Variants in MLLT11 observed in about 807,000 individuals in gnomAD.
MLLT11 encodes the protein protein AF1q.
Under a neutral mutation model 5.3 loss-of-function variants are expected in MLLT11, and 1 was observed. The ratio of observed to expected loss-of-function variants is 0.19; its 90% CI spans 0.07 to 0.89. MLLT11 has a LOEUF of 0.89. Ranked by LOEUF, MLLT11 falls within the 40% of genes least tolerant of loss-of-function variation. MLLT11 has a pLI of 0.67. For synonymous variants in MLLT11, 38 were observed against 41.7 expected (o/e 0.91, Z 0.34); for missense variants, 87 against 107.3 (o/e 0.81, Z 0.83).
At chr1:151,063,647 G>A (rs1001036557) in intron 1 of MLLT11, among the ~76,000 whole-genome samples, 1 of 152,104 alleles carries the variant, frequency 6.6e-6, no homozygotes, top group Non-Finnish European at 1.5e-5. Context: ...GGATGGTCTC[G>A]ATCTCCTGAC....
At chr1:151,066,413 C>G (rs890154825) in intron 1 of MLLT11, among the ~76,000 whole-genome samples, 1 of 152,170 alleles carries the variant, frequency 6.6e-6, no homozygotes, top group African/African-American at 2.4e-5. Context: ...TCTGAGATCA[C>G]AGGCATGAGC....
chr1:151,065,577 G>T (rs587737142), intron 1 of MLLT11, among the ~76,000 whole-genome samples: 4 of 152,026 alleles, frequency 2.6e-5, no homozygotes, highest in Non-Finnish European at 5.9e-5. Context: ...ACTCTACAGG[G>T]TGTTGGGGGA....
In MLLT11 at chr1:151,067,816, G is replaced by C. The variant is rs1412969610; in HGVS notation, c.*319G>C. On this transcript the variant is annotated 3_prime_UTR_variant, in exon 2 of 2. Transcript: ENST00000368921. Reference sequence around the variant, plus strand: ...GAGAGTAGTATAGTAGTGCAAAATGGAAGACTGATTTTTGACTCTATTATA... The same window carrying C: ...GAGAGTAGTATAGTAGTGCAAAATGCAAGACTGATTTTTGACTCTATTATA... The C allele has an allele frequency of 6.0e-6, 2 of 334,662 alleles. No individual in the cohort carries two copies. The highest frequency in any genetic ancestry group is 1.2e-5 in the Non-Finnish European group (2 of 172,776). The allele number at this position is 334,662 out of a possible 1,614,324, so 20.7% of individuals were successfully genotyped here. A position where few individuals can be genotyped will look rare whatever the true frequency, so the allele number is the denominator to read the frequency against.
rs903979372 is a variant in MLLT11 at position 151,069,328 on chromosome 1, G to T, written c.*1831G>T. On this transcript the variant is annotated 3_prime_UTR_variant, in exon 2 of 2. Transcript: ENST00000368921. ...TAAGGATGATCTAGAGAAGTCCCCAGGTGGGAGAAAAAAAGACAAATCCTC... is the reference window on the plus strand; with the variant it reads ...TAAGGATGATCTAGAGAAGTCCCCATGTGGGAGAAAAAAAGACAAATCCTC... 6.6e-6 allele frequency among the ~76,000 whole-genome samples: 1 copy of T among 152,126 alleles called. No homozygotes were observed. The highest frequency in any genetic ancestry group is 1.9e-4 in the East Asian group (1 of 5,194).
In MLLT11 at chr1:151,068,909, T is replaced by A. The variant is rs1676516114; in HGVS notation, c.*1412T>A. Among the ~76,000 whole-genome samples the A allele has an allele frequency of 6.6e-6, 1 of 152,184 alleles. No homozygotes were observed. The highest frequency in any genetic ancestry group is 1.9e-4 in the East Asian group (1 of 5,196). ...CTCATTTTATCTTTCTATAATAATA[T>A]TCAACTTAGAGGAAGAATGATTTGA... On this transcript the variant is annotated 3_prime_UTR_variant, in exon 2 of 2. Transcript: ENST00000368921.
intron 1 of MLLT11, among the ~76,000 whole-genome samples, chr1:151,064,423 G>T (rs1467774643): frequency 6.6e-6 from 1 of 152,176 alleles, no homozygotes; most frequent in Non-Finnish European, 1.5e-5. Context: ...GAATGGCAAG[G>T]TATTAATTAA....
Position 151,068,217 on chromosome 1 carries a change from T to TA in MLLT11, c.*723dup. The TA allele has an allele frequency of 4.2e-6, 1 of 237,982 alleles. No individual in the cohort carries two copies. Among genetic ancestry groups the TA allele is most frequent in the Non-Finnish European group, 8.9e-6 (1 of 111,808 alleles). 14.7% of individuals were successfully genotyped at this position (237,982 alleles called of 1,614,324 possible). On this transcript the variant is annotated 3_prime_UTR_variant, in exon 2 of 2. Transcript: ENST00000368921. ...CTAACTGTGGGTTGAAAACTCTAGC[T>TA]AAAGAAAGTTATCAAATCTTAACAT...
At chr1:151,063,408 TTTTTTAA>T (rs1308586679) in intron 1 of MLLT11, among the ~76,000 whole-genome samples, 1 of 152,022 alleles carries the variant, frequency 6.6e-6, no homozygotes, top group African/African-American at 2.4e-5. Context: ...TAATGCTTCT[TTTTTTAA>T]TTTTTATTTA....
rs1283515501 is a variant in MLLT11 at position 151,069,296 on chromosome 1, C to T, written c.*1799C>T. ...TACTATAAATAAGGATGACACTATA[C>T]CCTAAATAAGGATGATCTAGAGAAG... On this transcript the variant is annotated 3_prime_UTR_variant, in exon 2 of 2. Transcript: ENST00000368921. 2.0e-5 allele frequency among the ~76,000 whole-genome samples: 3 copies of T among 151,936 alleles called. No individual in the cohort carries two copies. The highest frequency in any genetic ancestry group is 4.4e-5 in the Non-Finnish European group (3 of 67,986).
chr1:151,067,394 A>G lies in MLLT11; in HGVS notation c.170A>G (p.Gln57Arg), dbSNP rs773661431. 1.2e-6 allele frequency: 2 copies of G among 1,614,194 alleles called. No individual in the cohort carries two copies. The highest frequency in any genetic ancestry group is 8.5e-7 in the Non-Finnish European group (1 of 1,180,040). The change falls in exon 2 of 2, where the codon CAG (glutamine) becomes CGG (arginine). Residue 57 changes from glutamine (Q) to arginine (R), a missense_variant. Gln to Arg is a conservative substitution (Grantham distance 43). Coordinates refer to ENST00000368921, the MANE Select transcript of MLLT11 (RefSeq NM_006818.4). ...ATCGGGCAAGCAACTGCAGCAGACC[A>G]GGAGAAAAACCCTGAAGGTGATGGC... ...KMIGQATAAD[Q>R]EKNPEGDGLL...
rs1022384544 is a variant in MLLT11, at chr1:151,068,580, C to A, written c.*1083C>A. ...TTGCTTTCACACTTAGCTTATACAT[C>A]TTTTTTTTCTTTTTTATTTTTGAGA... is the stretch of plus-strand genomic sequence containing the variant. On this transcript the variant is annotated 3_prime_UTR_variant, in exon 2 of 2. Transcript: ENST00000368921. The A allele has an allele frequency of 1.6e-4, 29 of 179,236 alleles. No individual in the cohort carries two copies. The highest frequency in any genetic ancestry group is 6.6e-4 in the African/African-American group (28 of 42,268). 11.1% of individuals were successfully genotyped at this position (179,236 alleles called of 1,614,324 possible). A position where few individuals can be genotyped will look rare whatever the true frequency, so the allele number is the denominator to read the frequency against.
rs587615003 is a variant in MLLT11 at position 151,063,669 on chromosome 1, C to T, written c.-7+3116C>T. 3.3e-5 allele frequency among the ~76,000 whole-genome samples: 5 copies of T among 152,330 alleles called. No individual in the cohort carries two copies. The East Asian group carries it at 7.7e-4, about 24-fold the overall frequency. ...CTCGATCTCCTGACCTCGTGATCCA[C>T]CCGCCTCGGCCTCCCAAAGTGCTGG... On this transcript the variant is annotated intron_variant, in intron 1 of 1. Transcript: ENST00000368921.
At chr1:151,065,817 ACTT>A (rs937364252) in intron 1 of MLLT11, among the ~76,000 whole-genome samples, 2 of 152,020 alleles carry the variant, frequency 1.3e-5, no homozygotes, top group African/African-American at 4.8e-5. Context: ...TCCTCTATAG[ACTT>A]GGAGTTTTTT....
chr1:151,064,424 TATTA>T (rs1676448548), intron 1 of MLLT11, among the ~76,000 whole-genome samples: 1 of 152,190 alleles, frequency 6.6e-6, no homozygotes, highest in Non-Finnish European at 1.5e-5. Flanking sequence ...AATGGCAAGG[TATTA>T]ATTAAATAGT....
chr1:151,067,750 C>G lies in MLLT11; in HGVS notation c.*253C>G, dbSNP rs1676495256. On this transcript the variant is annotated 3_prime_UTR_variant, in exon 2 of 2. Transcript: ENST00000368921. ...TCACAGGGATTCCTCCTTTCCCCCCCAAATATTAACTCCAGAAACTAGGCC... is the reference window on the plus strand; with the variant it reads ...TCACAGGGATTCCTCCTTTCCCCCCGAAATATTAACTCCAGAAACTAGGCC... The G allele has an allele frequency of 7.5e-6, 4 of 534,254 alleles. No individual in the cohort carries two copies. The highest frequency in any genetic ancestry group is 1.4e-5 in the Non-Finnish European group (4 of 291,468). 33.1% of individuals were successfully genotyped at this position (534,254 alleles called of 1,614,324 possible).
At position 151,067,532 on chromosome 1, in the gene MLLT11, AT is replaced by A; in HGVS notation, c.*37del. 6.3e-7 allele frequency: 1 copy of A among 1,594,560 alleles called. No homozygotes were observed. On this transcript the variant is annotated 3_prime_UTR_variant, in exon 2 of 2. Transcript: ENST00000368921. ...TTCTCTCTCCCATCACCTTGCCCTC[AT>A]TGTCTTCCCTCTCAAGCCCCTTCCT... is the stretch of plus-strand genomic sequence containing the variant.
chr1:151,063,652 C>T (rs1301479680), intron 1 of MLLT11, among the ~76,000 whole-genome samples: 1 of 152,196 alleles, frequency 6.6e-6, no homozygotes, highest in Non-Finnish European at 1.5e-5. Context: ...GTCTCGATCT[C>T]CTGACCTCGT....
At chr1:151,064,026 TA>T (rs1381877885) in intron 1 of MLLT11, among the ~76,000 whole-genome samples, 1 of 72,374 alleles carries the variant, frequency 1.4e-5, no homozygotes, top group Non-Finnish European at 3.8e-5. Flanking sequence ...ATTTATTTAT[TA>T]TTACTTTTTT....
intron 1 of MLLT11, 88 bp from the exon 2 acceptor site, chr1:151,067,131 C>T: frequency 9.9e-7 from 1 of 1,011,764 alleles, no homozygotes; most frequent in Middle Eastern, 2.4e-4. Flanking sequence ...TTCCTTTTTA[C>T]CAGTATGTGG....
Sources: allele counts gnomAD v4.1 joint callset (sites outside exome capture counted in the v4.1 genomes callset), GRCh38; gene constraint gnomAD v4.1.1; transcripts MANE v1.5; gene names NCBI Gene and HGNC (gene_info 2026-07-23, HGNC 2026-07-21).